The following COQ8A variants were observed in gnomAD, a reference collection of about 807,000 sequenced individuals.
COQ8A encodes coenzyme Q8A, also known as atypical kinase COQ8A, mitochondrial.
In COQ8A, 51 loss-of-function variants were observed where a neutral mutation model predicts 65.0. The observed-to-expected ratio is 0.78, with a 90% CI of 0.63 to 0.99. The LOEUF is 0.99. Among genes scored for constraint, COQ8A ranks in the 50% least tolerant of loss-of-function variants. The pLI is 0.00. For missense variants in COQ8A, 940 were observed against 875.0 expected (o/e 1.07, Z -0.94); for synonymous variants, 371 against 353.2 (o/e 1.05, Z -0.57).
In COQ8A at chr1:226,984,853, TCTC is replaced by T. The variant is rs1659980361; in HGVS notation, c.1507-20_1507-18del. 2.5e-6 allele frequency: 4 copies of T among 1,613,384 alleles called. No individual in the cohort carries two copies. The highest frequency in any genetic ancestry group is 2.2e-5 in the South Asian group (2 of 91,064). ...CACCATGGAGCACCAGGGCCAAACTTCTCCTGGTGTCTCTGTCCCCAGGTGGCT... is the reference window on the plus strand; with the variant it reads ...CACCATGGAGCACCAGGGCCAAACTTCTGGTGTCTCTGTCCCCAGGTGGCT... On this transcript the variant is annotated intron_variant, in intron 12 of 14. Transcript: ENST00000366777.
chr1:226,977,564 G>A (rs201262625), intron 5 of COQ8A, 41 bp downstream of exon 5: 62 of 1,540,936 alleles, frequency 4.0e-5, no homozygotes, highest in East Asian at 3.7e-4. Flanking sequence ...GGTGGGCCCC[G>A]GGAGGGTTGA....
rs1373729156 is a variant in COQ8A, at chr1:226,986,449, C to T, written c.1660-4C>T. 5 of 1,611,850 alleles carry T rather than the reference C, an allele frequency of 3.1e-6. No individual in the cohort carries two copies. The highest frequency in any genetic ancestry group is 1.1e-5 in the South Asian group (1 of 91,072). ...CGCCATTTATCCTTCCTCTCTTGCC[C>T]CAGGTCATGGAAGACGCCCACTTGG... On this transcript the variant is annotated splice_region_variant and splice_polypyrimidine_tract_variant and intron_variant, in intron 14 of 14. Coordinates refer to ENST00000366777, the MANE Select transcript of COQ8A (RefSeq NM_020247.5).
intron 4 of COQ8A, among the ~76,000 whole-genome samples, chr1:226,966,891 G>T (rs984916360): frequency 6.6e-6 from 1 of 152,122 alleles, no homozygotes; most frequent in African/African-American, 2.4e-5. Context: ...TTGAATGATG[G>T]CTGGCCCCCC....
In COQ8A at chr1:226,949,314, C is replaced by T. The variant is rs1004346168; in HGVS notation, c.-10+8915C>T. 9.9e-5 allele frequency among the ~76,000 whole-genome samples: 15 copies of T among 151,910 alleles called. No homozygotes were observed. The highest frequency in any genetic ancestry group is 3.1e-4 in the African/African-American group (13 of 41,348). ...ACAGGTAGAGGAGCCATTTGAGCAACGCGTTGGCATGATGAACGTGGGTTT... is the reference window on the plus strand; with the variant it reads ...ACAGGTAGAGGAGCCATTTGAGCAATGCGTTGGCATGATGAACGTGGGTTT... On this transcript the variant is annotated intron_variant, in intron 1 of 14. Transcript: ENST00000366777. This position sits in a 1 kb window ranked among gnomAD's most constrained non-coding sequence, Gnocchi z 4.0.
In COQ8A at chr1:226,983,051, G is replaced by A. The variant is rs766116563; in HGVS notation, c.1080+17G>A. ...AAGATCCAGGTAGGCGGCCTGATGCGCAGTGCCTGTCCCTATGGGGGCTGC... is the reference window on the plus strand; with the variant it reads ...AAGATCCAGGTAGGCGGCCTGATGCACAGTGCCTGTCCCTATGGGGGCTGC... On this transcript the variant is annotated intron_variant, in intron 8 of 14. Transcript: ENST00000366777. The A allele has an allele frequency of 1.1e-5, 17 of 1,573,056 alleles. No individual in the cohort carries two copies. The East Asian group carries it at 1.4e-4, about 13-fold the overall frequency.
chr1:226,971,507 G>A (rs1658908349), intron 4 of COQ8A, among the ~76,000 whole-genome samples: 1 of 151,806 alleles, frequency 6.6e-6, no homozygotes, highest in African/African-American at 2.4e-5. Context: ...AGCCAAGATG[G>A]CGGCGTTGCA....
chr1:226,965,760 G>A, intron 4 of COQ8A, 23 bp downstream of exon 4: 1 of 1,611,706 alleles, frequency 6.2e-7, no homozygotes, highest in Non-Finnish European at 8.5e-7. Flanking sequence ...TGTGCCCCTG[G>A]ACTGCCTCAC....
intron 1 of COQ8A, among the ~76,000 whole-genome samples, chr1:226,943,503 A>C (rs933544909): frequency 5.9e-5 from 9 of 152,168 alleles, no homozygotes; most frequent in Admixed American, 6.5e-5. Context: ...CGAGTCCCCA[A>C]GGGGAGATAG....
intron 1 of COQ8A, 120 bp downstream of exon 1, chr1:226,940,519 C>A (rs1335669704): frequency 6.6e-6 from 1 of 152,434 alleles, no homozygotes; most frequent in Non-Finnish European, 1.5e-5. Context: ...CGCAGCTTCC[C>A]CGCGAGTTTC....
chr1:226,962,006 A>G (rs1162326072), intron 2 of COQ8A, among the ~76,000 whole-genome samples: 1 of 152,118 alleles, frequency 6.6e-6, no homozygotes, highest in Non-Finnish European at 1.5e-5. Context: ...TACTTCCCAA[A>G]GGCCCCACCT....
intron 4 of COQ8A, among the ~76,000 whole-genome samples, chr1:226,976,219 GCTGCGGGGCTGTGGGA>G (rs1425023425): frequency 8.7e-5 from 2 of 23,004 alleles, no homozygotes; most frequent in African/African-American, 2.2e-4. Context: ...ATGTTGCCTG[GCTGCGGGGCTGTGGGA>G]CTGCGGGGCT....
chr1:226,985,078 T>C, intron 13 of COQ8A, 137 bp downstream of exon 13: 1 of 1,326,344 alleles, frequency 7.5e-7, no homozygotes, highest in Non-Finnish European at 1.1e-6. Context: ...TCAGGTCTGG[T>C]GACAGCAGGC....
chr1:226,940,472 C>T (rs1253913578), intron 1 of COQ8A, 73 bp downstream of exon 1: 2 of 152,302 alleles, frequency 1.3e-5, no homozygotes, highest in African/African-American at 4.8e-5. Flanking sequence ...GGGTCAACAC[C>T]CACCTCAGCC....
intron 1 of COQ8A, chr1:226,958,350 G>A (rs373941998): frequency 1.3e-5 from 2 of 152,256 alleles, no homozygotes; most frequent in Non-Finnish European, 2.9e-5. Context: ...TACTGAGGAG[G>A]GGGGAAGAGG....
intron 1 of COQ8A, among the ~76,000 whole-genome samples, chr1:226,958,890 A>G (rs1319534342): frequency 1.3e-5 from 2 of 152,174 alleles, no homozygotes; most frequent in Non-Finnish European, 2.9e-5. Flanking sequence ...GGTAGGTGGG[A>G]GACTGGTGTT....
chr1:226,944,738 AG>A (rs1656911303), intron 1 of COQ8A, among the ~76,000 whole-genome samples: 8 of 12,704 alleles, frequency 6.3e-4, no homozygotes, highest in Non-Finnish European at 6.0e-4. Flanking sequence ...AGAGAGAGAG[AG>A]AGAGAGAGAG....
In COQ8A at chr1:226,972,808, C is replaced by CAT. The variant is rs869054883; in HGVS notation, c.656-4641_656-4640insAT. Among the ~76,000 whole-genome samples, 1 of 126,508 alleles carries CAT rather than the reference C, an allele frequency of 7.9e-6. No homozygotes were observed. Among genetic ancestry groups the CAT allele is most frequent in the Admixed American group, 8.0e-5 (1 of 12,432 alleles). 83.0% of individuals were successfully genotyped at this position (126,508 alleles called of 152,430 possible). ...ATGTAAGGACATTTAAAACAAAGCACCACTTTATACCATCACTTTATTTAT... is the reference window on the plus strand; with the variant it reads ...ATGTAAGGACATTTAAAACAAAGCACATCACTTTATACCATCACTTTATTTAT... On this transcript the variant is annotated intron_variant, in intron 4 of 14. Transcript: ENST00000366777. This position sits in a 1 kb window ranked among gnomAD's most constrained non-coding sequence, Gnocchi z 4.3.
At chr1:226,970,329 A>C (rs1203727601) in intron 4 of COQ8A, among the ~76,000 whole-genome samples, 1 of 152,252 alleles carries the variant, frequency 6.6e-6, no homozygotes, top group Non-Finnish European at 1.5e-5. Flanking sequence ...AACATCATAG[A>C]GTGTACTTAC....
At chr1:226,960,310 G>GTA (rs1658103310) in intron 1 of COQ8A, among the ~76,000 whole-genome samples, 4 of 122,472 alleles carry the variant, frequency 3.3e-5, no homozygotes, top group Admixed American at 8.8e-5. Context: ...GGTGGTGGTG[G>GTA]CGGTACTTGG....
Sources: gnomAD v4.1 joint callset for allele counts (sites outside exome capture counted in the v4.1 genomes callset) on GRCh38, gnomAD v4.1.1 for gene constraint, Gnocchi (gnomAD v3.1) non-coding constraint, MANE v1.5 for transcripts, NCBI Gene and HGNC (gene_info 2026-07-23, HGNC 2026-07-21) for gene names.